ESPN: variants seen among roughly 807,000 people sequenced by gnomAD.
The protein encoded by ESPN is espin.
In ESPN, 68 loss-of-function variants were observed where a neutral mutation model predicts 77.7. The observed-to-expected ratio is 0.87, with a 90% CI of 0.72 to 1.07. The LOEUF (loss-of-function observed/expected upper bound fraction) is 1.07. Among genes scored for constraint, ESPN ranks in the 50% least tolerant of loss-of-function variants. The probability of loss-of-function intolerance (pLI) is 0.00; values close to 1 mark genes in which losing one functional copy is unlikely to be tolerated. For synonymous variants in ESPN, 449 were observed against 567.1 expected, an observed-to-expected ratio of 0.79 and a Z score of 2.96; for missense variants, 1,060 against 1,239.0, an observed-to-expected ratio of 0.86 and a Z score of 2.17.
Position 6,428,540 on chromosome 1 carries a change from G to A in ESPN, c.488+121G>A. On this transcript the variant is annotated intron_variant, in intron 2 of 12. Coordinates refer to ENST00000645284, the MANE Select transcript of ESPN (RefSeq NM_031475.3). The surrounding 1 kb of genome is among the most constrained non-coding windows in gnomAD (Gnocchi z 5.4). The stretch of plus-strand genomic sequence containing the variant: ...AATGATCCCTCCAGTGGCCATCCTG[G>A]GGCCAGAGGGCCAGGCCAGAGAAAT... The A allele has an allele frequency of 1.2e-6, 1 of 829,992 alleles. No individual in the cohort carries two copies. Among genetic ancestry groups the A allele is most frequent in the South Asian group, 1.8e-5 (1 of 55,216 alleles). 51.4% of individuals were successfully genotyped at this position (829,992 alleles called of 1,614,324 possible).
chr1:6,455,652 C>T, intron 10 of ESPN: 1 of 399,438 alleles, frequency 2.5e-6, no homozygotes, highest in Non-Finnish European at 4.4e-6. Flanking sequence ...CCTCTTCATG[C>T]TCGGCTACTT....
chr1:6,458,798 G>A (rs993448660), intron 12 of ESPN, among the ~76,000 whole-genome samples: 1 of 150,790 alleles, frequency 6.6e-6, no homozygotes, highest in Admixed American at 6.6e-5. Flanking sequence ...GGTCGTGATG[G>A]CGCATGCCTG....
intron 2 of ESPN, among the ~76,000 whole-genome samples, chr1:6,434,686 C>T (rs972742998): frequency 1.1e-4 from 17 of 152,150 alleles, no homozygotes; most frequent in Admixed American, 2.6e-4. Flanking sequence ...CCCAACTGCC[C>T]GGCCCGTCAT....
At position 6,460,252 on chromosome 1, in the gene ESPN, C is replaced by A; in HGVS notation, c.*106C>A. 11 of 1,432,488 alleles carry A rather than the reference C, an allele frequency of 7.7e-6. No individual in the cohort carries two copies. The highest frequency in any genetic ancestry group is 9.5e-6 in the Non-Finnish European group (10 of 1,057,288). The allele number at this position is 1,432,488 out of a possible 1,614,324, so 88.7% of individuals were successfully genotyped here. ...AGGCTGGGAGCCGCACAGCCCTCCCCTCCTGCGCTGGAAACCCTCCCTGAC... is the reference window on the plus strand; with the variant it reads ...AGGCTGGGAGCCGCACAGCCCTCCCATCCTGCGCTGGAAACCCTCCCTGAC... On this transcript the variant is annotated 3_prime_UTR_variant, in exon 13 of 13. Coordinates refer to ENST00000645284, the MANE Select transcript of ESPN (RefSeq NM_031475.3).
intron 10 of ESPN, among the ~76,000 whole-genome samples, chr1:6,454,166 G>A (rs1644005312): frequency 6.6e-6 from 1 of 152,232 alleles, no homozygotes; most frequent in African/African-American, 2.4e-5. Context: ...CTGCTGGCCT[G>A]TTCTTGCCGC....
intron 12 of ESPN, among the ~76,000 whole-genome samples, chr1:6,458,561 C>G (rs1426148597): frequency 6.6e-6 from 1 of 151,868 alleles, no homozygotes; most frequent in Non-Finnish European, 1.5e-5. Context: ...GGTGATCCAC[C>G]CGCCTCAGCC....
chr1:6,435,193 C>A (rs1051600687), intron 2 of ESPN, among the ~76,000 whole-genome samples: 1 of 152,006 alleles, frequency 6.6e-6, no homozygotes, highest in Non-Finnish European at 1.5e-5. Context: ...ACCATAGGCT[C>A]GGTGAATTTC....
In ESPN at chr1:6,445,753, C is replaced by T; in HGVS notation, c.1282C>T (p.Pro428Ser). ...CCTGCCTCGGGGCACGATTGGGAAG[C>T]CCACACCCCCACCACCCCCACCCAG... ...LGLPRGTIGKPTPPPPPPSFP... is the reference protein window; with the variant it reads ...LGLPRGTIGKSTPPPPPPSFP... Residue 428 changes from proline (P) to serine (S), a missense_variant, in exon 7 of 13, where the codon CCC becomes TCC. Physicochemically the swap from Pro to Ser is moderately conservative, Grantham distance 74. Transcript: ENST00000645284. 6.3e-7 allele frequency: 1 copy of T among 1,577,460 alleles called. No homozygotes were observed. The highest frequency in any genetic ancestry group is 8.7e-7 in the Non-Finnish European group (1 of 1,156,016).
At chr1:6,444,363 G>A in intron 5 of ESPN, 118 bp from the exon 6 acceptor site, 1 of 940,818 alleles carries the variant, frequency 1.1e-6, no homozygotes, top group Non-Finnish European at 1.7e-6. Context: ...AGACCCCAGA[G>A]AGCGGTGTGG....
At chr1:6,458,670 C>A (rs901207755) in intron 12 of ESPN, among the ~76,000 whole-genome samples, 1 of 151,668 alleles carries the variant, frequency 6.6e-6, no homozygotes, top group Non-Finnish European at 1.5e-5. Flanking sequence ...GTGGCTCATA[C>A]CTGTAATCCC....
Position 6,448,876 on chromosome 1 carries a change from CCTCCG to C in ESPN, c.1705_1709del (p.Ala569ProfsTer13). 7.6e-7 allele frequency: 1 copy of C among 1,312,404 alleles called. No homozygotes were observed. Among genetic ancestry groups the C allele is most frequent in the Non-Finnish European group, 9.6e-7 (1 of 1,036,740 alleles). The allele number at this position is 1,312,404 out of a possible 1,614,324, so 81.3% of individuals were successfully genotyped here. ...GCCGCCCGCGGCTCACTCGAAGGCCCCTCCGCTCCCCCGCAGGCGGCGCTGCTTCC... is the reference window on the plus strand; with the variant it reads ...GCCGCCCGCGGCTCACTCGAAGGCCCCTCCCCCGCAGGCGGCGCTGCTTCC... On this transcript the variant is annotated frameshift_variant, in exon 8 of 13. Transcript: ENST00000645284. LOFTEE classifies it high-confidence loss of function.
rs1352220965 is a variant in ESPN at position 6,427,590 on chromosome 1, C to A, written c.295-636C>A. Among the ~76,000 whole-genome samples, 1 of 152,222 alleles carries A rather than the reference C, an allele frequency of 6.6e-6. No individual in the cohort carries two copies. Among genetic ancestry groups the A allele is most frequent in the Non-Finnish European group, 1.5e-5 (1 of 68,042 alleles). ...CAGTACCCAGCAACTTCCACCTCCACAGGGGCGAGAACACAGGCTGCTCCT... is the reference window on the plus strand; with the variant it reads ...CAGTACCCAGCAACTTCCACCTCCAAAGGGGCGAGAACACAGGCTGCTCCT... On this transcript the variant is annotated intron_variant, in intron 1 of 12. Coordinates refer to ENST00000645284, the MANE Select transcript of ESPN (RefSeq NM_031475.3). This position sits in a 1 kb window ranked among gnomAD's most constrained non-coding sequence, Gnocchi z 4.6.
At chr1:6,430,157 C>T (rs1268835263) in intron 2 of ESPN, among the ~76,000 whole-genome samples, 1 of 152,232 alleles carries the variant, frequency 6.6e-6, no homozygotes, top group Non-Finnish European at 1.5e-5. Flanking sequence ...CCCCAGGACA[C>T]AGGGCCCCAT....
intron 2 of ESPN, among the ~76,000 whole-genome samples, chr1:6,436,986 T>A (rs1171241911): frequency 6.6e-6 from 1 of 151,840 alleles, no homozygotes; most frequent in Admixed American, 6.6e-5. Flanking sequence ...TGAGCCAGGA[T>A]CCCCTCCCCC....
rs1202697461 is a variant in ESPN at position 6,440,653 on chromosome 1, G to A, written c.703G>A (p.Glu235Lys). Reference protein sequence around the residue: ...LVSCTDVSLSEQDKDGATAMH... With the variant: ...LVSCTDVSLSKQDKDGATAMH... The stretch of plus-strand genomic sequence containing the variant: ...GAGCTGCACCGACGTGAGCCTGTCC[G>A]AGCAGGACAAAGACGGCGCCACCGC... The change falls in exon 4 of 13, where the codon GAG becomes AAG. Residue 235 changes from glutamate to lysine, a missense_variant. This residue lies in a region of ESPN where 556 missense variants were observed against 633.6 expected (regional missense o/e 0.88). Coordinates refer to ENST00000645284, the MANE Select transcript of ESPN (RefSeq NM_031475.3). 1.5e-6 allele frequency: 2 copies of A among 1,334,872 alleles called. No individual in the cohort carries two copies. Among genetic ancestry groups the A allele is most frequent in the Non-Finnish European group, 2.0e-6 (2 of 1,019,856 alleles). 82.7% of individuals were successfully genotyped at this position (1,334,872 alleles called of 1,614,324 possible).
rs1254461433 is a variant in ESPN, at chr1:6,448,960, T to TGCCACCGCC, written c.1788_1796dup (p.Pro603_Pro605dup). 1 of 1,423,716 alleles carries TGCCACCGCC rather than the reference T, an allele frequency of 7.0e-7. No individual in the cohort carries two copies. The highest frequency in any genetic ancestry group is 9.1e-7 in the Non-Finnish European group (1 of 1,094,718). 88.2% of individuals were successfully genotyped at this position (1,423,716 alleles called of 1,614,324 possible). ...GCGGACCCCAAGGCGTCCAGGGAGC[T>TGCCACCGCC]GCCACCGCCGCCCCCACCGCCGCCG... On this transcript the variant is annotated inframe_insertion, in exon 8 of 13. Coordinates refer to ENST00000645284, the MANE Select transcript of ESPN (RefSeq NM_031475.3).
At chr1:6,436,058 C>T (rs898567639) in intron 2 of ESPN, among the ~76,000 whole-genome samples, 3 of 152,182 alleles carry the variant, frequency 2.0e-5, no homozygotes, top group African/African-American at 4.8e-5. Context: ...GGCTGTGCCC[C>T]AGCAGCTGGC....
chr1:6,456,242 G>C, intron 10 of ESPN: 1 of 394,406 alleles, frequency 2.5e-6, no homozygotes, highest in Non-Finnish European at 4.5e-6. Context: ...GCGTCTTAAC[G>C]TGGGCCTGGA....
chr1:6,440,835 C>T (rs1332590641), intron 4 of ESPN, 27 bp downstream of exon 4: 1 of 1,453,238 alleles, frequency 6.9e-7, no homozygotes, highest in Non-Finnish European at 9.0e-7. Flanking sequence ...GGTGGGGGCG[C>T]GCGCCCTCTG....
Sources: gnomAD v4.1 joint callset for allele counts (sites outside exome capture counted in the v4.1 genomes callset) on GRCh38, gnomAD v4.1.1 for gene constraint, gnomAD v4.1.1 regional missense constraint, Gnocchi (gnomAD v3.1) non-coding constraint, MANE v1.5 for transcripts, NCBI Gene and HGNC (gene_info 2026-07-23, HGNC 2026-07-21) for gene names.